Variants in TMC1 observed in about 807,000 individuals in gnomAD.
TMC1 encodes transmembrane channel like 1, also known as transmembrane channel-like protein 1.
A neutral mutation model predicts 105.8 loss-of-function variants in TMC1; 84 were observed. The observed-to-expected ratio is 0.79, with a 90% confidence interval of 0.67 to 0.95. The LOEUF is 0.95. Ranked by LOEUF, TMC1 falls within the 40% of genes least tolerant of loss-of-function variation. TMC1 has a pLI of 0.00. For synonymous variants in TMC1, 315 were observed against 311.5 expected (o/e 1.01, Z -0.12); for missense variants, 817 against 914.1 (o/e 0.89, Z 1.37).
At chr9:72,614,383 G>A (rs1825086310) in intron 2 of TMC1, among the ~76,000 whole-genome samples, 1 of 152,184 alleles carries the variant, frequency 6.6e-6, no homozygotes, top group African/African-American at 2.4e-5. Context: ...AAGGCCTTTT[G>A]AAATTCATAC....
At position 72,788,426 on chromosome 9, in the gene TMC1, G is replaced by T; in HGVS notation, c.972G>T (p.Leu324=). Residue 324 remains leucine (L), a synonymous_variant, in exon 14 of 24, where the codon CTG becomes CTT. Coordinates refer to ENST00000297784, the MANE Select transcript of TMC1 (RefSeq NM_138691.3). The part of the protein sequence containing the change: ...SWKVFTSWDY[L]IGNPETADNK... ...AGGTCTTTACCAGCTGGGACTACCT[G>T]ATCGGCAATCCTGAAACAGCAGACA... The T allele has an allele frequency of 6.2e-7, 1 of 1,614,014 alleles. No individual in the cohort carries two copies. The highest frequency in any genetic ancestry group is 8.5e-7 in the Non-Finnish European group (1 of 1,179,926).
At chr9:72,771,874 A>G (rs2118124869) in intron 12 of TMC1, among the ~76,000 whole-genome samples, 1 of 152,304 alleles carries the variant, frequency 6.6e-6, no homozygotes, top group South Asian at 2.1e-4. Context: ...GAATGCTGTG[A>G]TAGTCTTGAT....
intron 13 of TMC1, among the ~76,000 whole-genome samples, chr9:72,784,807 A>C (rs997276155): frequency 2.0e-5 from 3 of 152,224 alleles, no homozygotes; most frequent in Admixed American, 6.5e-5. Flanking sequence ...ATGAAGCTGG[A>C]GGCCATTATC....
At chr9:72,623,051 C>A (rs574057260) in intron 3 of TMC1, among the ~76,000 whole-genome samples, 72 of 129,228 alleles carry the variant, frequency 5.6e-4, no homozygotes, top group South Asian at 1.5e-3. Flanking sequence ...GACTCCATCT[C>A]AAAAAAAAAA....
chr9:72,834,652 T>C (rs1165157868), intron 23 of TMC1, among the ~76,000 whole-genome samples: 1 of 152,124 alleles, frequency 6.6e-6, no homozygotes, highest in East Asian at 1.9e-4. Flanking sequence ...AATGCTCACT[T>C]AGCCCCCTCT....
intron 2 of TMC1, among the ~76,000 whole-genome samples, chr9:72,609,234 T>C (rs2132118462): frequency 6.6e-6 from 1 of 150,690 alleles, no homozygotes; most frequent in African/African-American, 2.4e-5. Context: ...CCTTCCTTTT[T>C]GCTATTAAAA....
chr9:72,756,424 CCT>C (rs1428254159), intron 12 of TMC1, among the ~76,000 whole-genome samples: 2 of 152,080 alleles, frequency 1.3e-5, no homozygotes, highest in African/African-American at 2.4e-5. Context: ...TTGGATTTTA[CCT>C]CTCTTTTCTA....
Position 72,666,145 on chromosome 9 carries a change from G to A in TMC1, c.16+17481G>A, listed in dbSNP as rs547981576. On this transcript the variant is annotated intron_variant, in intron 5 of 23. Coordinates refer to ENST00000297784, the MANE Select transcript of TMC1 (RefSeq NM_138691.3). ...AAAACATACTTTGAGGCCAGGCAGC[G>A]TGGCTTACGCCAGTAATCCCAGCAC... Among the ~76,000 whole-genome samples, 11 of 152,312 alleles carry A rather than the reference G, an allele frequency of 7.2e-5. No homozygotes were observed. The South Asian group carries it at 1.4e-3, about 20-fold the overall frequency.
At chr9:72,557,622 T>A (rs1163116258) in intron 1 of TMC1, among the ~76,000 whole-genome samples, 2 of 152,210 alleles carry the variant, frequency 1.3e-5, no homozygotes, top group Admixed American at 1.3e-4. Flanking sequence ...GTGAGTCACA[T>A]GATACCGACT....
chr9:72,629,406 C>A (rs150930306), intron 4 of TMC1, among the ~76,000 whole-genome samples: 1 of 152,074 alleles, frequency 6.6e-6, no homozygotes, highest in Non-Finnish European at 1.5e-5. Context: ...ACTCCAGTCA[C>A]GGTGATAAAT....
At chr9:72,790,119 G>T (rs1828241209) in intron 15 of TMC1, among the ~76,000 whole-genome samples, 1 of 152,180 alleles carries the variant, frequency 6.6e-6, no homozygotes, top group Non-Finnish European at 1.5e-5. Flanking sequence ...TTATGTGTAT[G>T]ATGTGACGTC....
intron 5 of TMC1, among the ~76,000 whole-genome samples, chr9:72,672,423 A>T (rs1236008522): frequency 6.6e-6 from 1 of 152,138 alleles, no homozygotes; most frequent in Non-Finnish European, 1.5e-5. Context: ...CTCATCACTT[A>T]GATGTTCATA....
intron 11 of TMC1, among the ~76,000 whole-genome samples, chr9:72,753,517 A>T (rs1337052048): frequency 6.6e-6 from 1 of 152,094 alleles, no homozygotes; most frequent in African/African-American, 2.4e-5. Context: ...TATGTAGTGG[A>T]TGGAGTGCCT....
chr9:72,824,420 C>G (rs1188397650), intron 20 of TMC1, among the ~76,000 whole-genome samples: 1 of 152,182 alleles, frequency 6.6e-6, no homozygotes, highest in African/African-American at 2.4e-5. Context: ...GTCCAGCATC[C>G]AAGAAGAATG....
At chr9:72,832,270 C>T (rs1428845848) in intron 23 of TMC1, among the ~76,000 whole-genome samples, 1 of 150,874 alleles carries the variant, frequency 6.6e-6, no homozygotes. Context: ...ACTTTTTATC[C>T]TAAGTTTAGA....
chr9:72,737,763 C>T (rs1474470921), intron 8 of TMC1, among the ~76,000 whole-genome samples: 4 of 152,174 alleles, frequency 2.6e-5, no homozygotes, highest in Non-Finnish European at 5.9e-5. Flanking sequence ...TTCTTCATTG[C>T]ATGGATCTAA....
At chr9:72,691,171 A>G (rs893995081) in intron 6 of TMC1, among the ~76,000 whole-genome samples, 2 of 152,038 alleles carry the variant, frequency 1.3e-5, no homozygotes, top group Admixed American at 6.6e-5. Flanking sequence ...GTACTCTTCA[A>G]TATTTATCTC....
At chr9:72,824,722 G>C (rs988167877) in intron 20 of TMC1, among the ~76,000 whole-genome samples, 1 of 152,206 alleles carries the variant, frequency 6.6e-6, no homozygotes, top group Non-Finnish European at 1.5e-5. Context: ...AGGTAGACAC[G>C]ACAGTATAGA....
intron 4 of TMC1, among the ~76,000 whole-genome samples, chr9:72,633,058 G>A (rs1396689222): frequency 6.6e-6 from 1 of 152,016 alleles, no homozygotes; most frequent in African/African-American, 2.4e-5. Flanking sequence ...GCTTCAAGGT[G>A]TATTTTGGTC....
Sources: allele counts gnomAD v4.1 joint callset (sites outside exome capture counted in the v4.1 genomes callset), GRCh38; gene constraint gnomAD v4.1.1; transcripts MANE v1.5; gene names NCBI Gene and HGNC (gene_info 2026-07-23, HGNC 2026-07-21).